The following FLNC variants were observed in gnomAD, a reference collection of about 807,000 sequenced individuals.
The protein encoded by FLNC is filamin-C.
A neutral mutation model predicts 254.3 loss-of-function variants in FLNC; 91 were observed. The observed-to-expected ratio is 0.36, with a 90% confidence interval of 0.30 to 0.43. The LOEUF (loss-of-function observed/expected upper bound fraction) is 0.43, where lower values mean the gene tolerates loss of function less well. FLNC is among the 20% of genes least tolerant of loss of function. FLNC has a pLI of 1.00. For synonymous variants in FLNC, 1,430 were observed against 1,577.2 expected (o/e 0.91, Z 2.21); for missense variants, 2,853 against 3,802.6 (o/e 0.75, Z 6.57).
chr7:128,839,601 G>A (rs989100620), intron 8 of FLNC, among the ~76,000 whole-genome samples: 57 of 152,338 alleles, frequency 3.7e-4, no homozygotes, highest in Admixed American at 1.6e-3. Flanking sequence ...GTGTTGTATG[G>A]CAGGCTTCGA....
chr7:128,847,950 G>T lies in FLNC; in HGVS notation c.4462G>T (p.Ala1488Ser). The change falls in exon 26 of 48, where the codon GCC becomes TCC. Residue 1488 changes from alanine (A) to serine (S), a missense_variant. Ala to Ser is a moderately conservative substitution (Grantham distance 99, BLOSUM62 1). Coordinates refer to ENST00000325888, the MANE Select transcript of FLNC (RefSeq NM_001458.5). ...ACCCTGTGCCCCTTGCCCAGGTGTG[G>T]CCGAGCCTGTGGAGGTGCGGGACAA... ...QVAVLGPTGV[A>S]EPVEVRDNGD... 1 of 1,613,550 alleles carries T rather than the reference G, an allele frequency of 6.2e-7. No individual in the cohort carries two copies. The highest frequency in any genetic ancestry group is 8.5e-7 in the Non-Finnish European group (1 of 1,179,754).
chr7:128,852,757 G>T lies in FLNC; in HGVS notation c.6004+5G>T. 1 of 1,613,286 alleles carries T rather than the reference G, an allele frequency of 6.2e-7. No individual in the cohort carries two copies. Among genetic ancestry groups the T allele is most frequent in the Non-Finnish European group, 8.5e-7 (1 of 1,179,792 alleles). On this transcript the variant is annotated splice_donor_5th_base_variant and intron_variant, in intron 36 of 47. Coordinates refer to ENST00000325888, the MANE Select transcript of FLNC (RefSeq NM_001458.5). ...GCCTGCCCAACCGGCACATTGGTGA[G>T]CGTGGGGCCTCACGGGGACCTCAGG...
At chr7:128,850,343 G>A in intron 31 of FLNC, 41 bp from the exon 32 acceptor site, 1 of 1,523,218 alleles carries the variant, frequency 6.6e-7, no homozygotes, top group Non-Finnish European at 9.1e-7. Flanking sequence ...AAACTCCTGG[G>A]CCTTCCCCAG....
intron 35 of FLNC, 90 bp from the exon 36 acceptor site, chr7:128,852,501 A>G (rs1368489156): frequency 1.3e-6 from 2 of 1,487,210 alleles, no homozygotes; most frequent in Non-Finnish European, 1.9e-6. Flanking sequence ...TGTTGAGTCC[A>G]GGGGGGGCTG....
chr7:128,846,590 C>A (rs899694623), intron 23 of FLNC, 127 bp downstream of exon 23: 9 of 1,407,380 alleles, frequency 6.4e-6, no homozygotes, highest in East Asian at 4.6e-5. Flanking sequence ...CAGGAGCAGA[C>A]CCCCTCCAGG....
rs574084326 is a variant in FLNC, at chr7:128,845,361, G to T, written c.3790+106G>T. On this transcript the variant is annotated intron_variant, in intron 21 of 47. Transcript: ENST00000325888. ...CTGAGAGCTGGAAGAGCAACCTGGGGTGAAGGGAGGGCTCTCGGAGCAGCC... is the reference window on the plus strand; with the variant it reads ...CTGAGAGCTGGAAGAGCAACCTGGGTTGAAGGGAGGGCTCTCGGAGCAGCC... The T allele has an allele frequency of 3.5e-5, 32 of 907,680 alleles. No individual in the cohort carries two copies. The African/African-American group carries it at 4.7e-4, about 13-fold the overall frequency. The allele number at this position is 907,680 out of a possible 1,614,324, so 56.2% of individuals were successfully genotyped here. A position where few individuals can be genotyped will look rare whatever the true frequency, so the allele number is the denominator to read the frequency against.
At chr7:128,853,670 G>C (rs199801053) in intron 38 of FLNC, 45 bp from the exon 39 acceptor site, 1 of 1,614,038 alleles carries the variant, frequency 6.2e-7, no homozygotes, top group Admixed American at 1.7e-5. Flanking sequence ...AGGCCAGGAG[G>C]CTGGGGCTCT....
At position 128,853,153 on chromosome 7, in the gene FLNC, G is replaced by A. The variant is rs571526649; in HGVS notation, c.6208+122G>A. The A allele has an allele frequency of 1.6e-4, 170 of 1,040,784 alleles. 1 individual carries two copies. In the South Asian group the frequency reaches 1.9e-3, roughly 12 times the overall value. 64.5% of individuals were successfully genotyped at this position (1,040,784 alleles called of 1,614,324 possible). A position where few individuals can be genotyped will look rare whatever the true frequency, so the allele number is the denominator to read the frequency against. ...CCCTGAAACTTCCTGACCAGTCTGC[G>A]TCAGGATTCGCATTCTGGGGCCCCT... On this transcript the variant is annotated intron_variant, in intron 37 of 47. Transcript: ENST00000325888.
At position 128,853,570 on chromosome 7, in the gene FLNC, G is replaced by C. The variant is rs753069149; in HGVS notation, c.6310G>C (p.Glu2104Gln). 6.2e-7 allele frequency: 1 copy of C among 1,614,130 alleles called. No individual in the cohort carries two copies. Among genetic ancestry groups the C allele is most frequent in the Non-Finnish European group, 8.5e-7 (1 of 1,180,038 alleles). Reference sequence around the variant, plus strand: ...ATGCAAAGTCACCTACTGCCCCACCGAGCCCGGCACCTACATCATCAACAT... The same window carrying C: ...ATGCAAAGTCACCTACTGCCCCACCCAGCCCGGCACCTACATCATCAACAT... ...GTCKVTYCPT[E>Q]PGTYIINIKF... The change falls in exon 38 of 48, where the codon GAG becomes CAG. Residue 2104 changes from glutamate (E) to glutamine (Q), a missense_variant. Glu to Gln is a conservative substitution (Grantham distance 29). Transcript: ENST00000325888.
chr7:128,850,311 A>G, intron 31 of FLNC, 73 bp from the exon 32 acceptor site: 1 of 1,267,182 alleles, frequency 7.9e-7, no homozygotes, highest in Non-Finnish European at 1.2e-6. Context: ...CTCACTCTCC[A>G]GCTTCAGTCA....
chr7:128,857,045 A>G lies in FLNC; in HGVS notation c.7562-73A>G. ...CCAGGAGTCCCCACAGAGGCTGTCC[A>G]GGGAGCTGGGGCCCAGTCCCTCTTG... On this transcript the variant is annotated intron_variant, in intron 45 of 47. Transcript: ENST00000325888. The surrounding 1 kb of genome is among the most constrained non-coding windows in gnomAD (Gnocchi z 4.5). 9.5e-6 allele frequency: 15 copies of G among 1,575,786 alleles called. No homozygotes were observed. Among genetic ancestry groups the G allele is most frequent in the Non-Finnish European group, 1.2e-5 (14 of 1,146,674 alleles).
chr7:128,837,969 CT>C lies in FLNC; in HGVS notation c.970-13del. On this transcript the variant is annotated splice_polypyrimidine_tract_variant and intron_variant, in intron 5 of 47. Transcript: ENST00000325888. ...TATGGTCATTGGAGAGGCTTCCAAT[CT>C]TTTTCCTTCCTAATAGGCTAAGGTG... 6 of 1,611,192 alleles carry C rather than the reference CT, an allele frequency of 3.7e-6. No individual in the cohort carries two copies. The highest frequency in any genetic ancestry group is 5.1e-6 in the Non-Finnish European group (6 of 1,177,456).
rs1296986172 is a variant in FLNC, at chr7:128,842,207, A to G, written c.2122-24A>G. The G allele has an allele frequency of 6.2e-7, 1 of 1,612,920 alleles. No individual in the cohort carries two copies. Among genetic ancestry groups the G allele is most frequent in the East Asian group, 2.2e-5 (1 of 44,842 alleles). ...CGCTCTGCAGAGGCCACAGCTATGA[A>G]CTTTGCTTGGGTGATGCCCACAGGA... On this transcript the variant is annotated intron_variant, in intron 13 of 47. Transcript: ENST00000325888. The surrounding 1 kb of genome is among the most constrained non-coding windows in gnomAD (Gnocchi z 5.4).
chr7:128,855,095 G>C lies in FLNC; in HGVS notation c.7136-104G>C, dbSNP rs942995334. 3.7e-6 allele frequency: 4 copies of C among 1,075,706 alleles called. No individual in the cohort carries two copies. In the South Asian group the frequency reaches 3.7e-5, roughly 10 times the overall value. 66.6% of individuals were successfully genotyped at this position (1,075,706 alleles called of 1,614,324 possible). Reference sequence around the variant, plus strand: ...GAAACATGTGTCTGCCTCCAGATCTGAGCGCTGACCACAGAGCCTTTCCTG... The same window carrying C: ...GAAACATGTGTCTGCCTCCAGATCTCAGCGCTGACCACAGAGCCTTTCCTG... On this transcript the variant is annotated intron_variant, in intron 42 of 47. Coordinates refer to ENST00000325888, the MANE Select transcript of FLNC (RefSeq NM_001458.5).
chr7:128,854,538 C>A lies in FLNC; in HGVS notation c.6853C>A (p.Pro2285Thr), dbSNP rs1455006748. 3.7e-6 allele frequency: 6 copies of A among 1,606,994 alleles called. No individual in the cohort carries two copies. In the Admixed American group the frequency reaches 8.5e-5, roughly 23 times the overall value. ...GCGCTTTGTGCCCCAGGAAATGGGG[C>A]CCCATACGGTCGCTGTCAAGTACCG... Reference protein sequence around the residue: ...SVRFVPQEMGPHTVAVKYRGQ... With the variant: ...SVRFVPQEMGTHTVAVKYRGQ... The change falls in exon 41 of 48, where the codon CCC becomes ACC. Residue 2285 changes from proline (P) to threonine (T), a missense_variant. This residue lies in a region of FLNC where 551 missense variants were observed against 835.0 expected (regional missense o/e 0.66). Transcript: ENST00000325888.
rs745650222 is a variant in FLNC at position 128,849,992 on chromosome 7, C to T, written c.5216C>T (p.Pro1739Leu). The T allele has an allele frequency of 1.1e-4, 175 of 1,586,772 alleles. No individual in the cohort carries two copies. The highest frequency in any genetic ancestry group is 1.3e-4 in the Non-Finnish European group (152 of 1,171,958). Reference sequence around the variant, plus strand: ...CCTCCCCAGGCGTGTGACCCCCTGCCGCACGAGGAGGAGCCCTCTGAAGTG... The same window carrying T: ...CCTCCCCAGGCGTGTGACCCCCTGCTGCACGAGGAGGAGCCCTCTGAAGTG... ...PFHVLACDPL[P>L]HEEEPSEVPQ... is the part of the protein sequence containing the mutation. The change falls in exon 31 of 48, where the codon CCG (proline) becomes CTG (leucine). Residue 1739 changes from proline (P) to leucine (L), a missense_variant. Physicochemically the swap from Pro to Leu is moderately conservative, Grantham distance 98. Around this residue, in one of 10 missense-constraint regions of FLNC, gnomAD observed 258 missense variants for 312.3 expected, o/e 0.83. Coordinates refer to ENST00000325888, the MANE Select transcript of FLNC (RefSeq NM_001458.5).
chr7:128,839,603 A>G (rs148895161), intron 8 of FLNC, among the ~76,000 whole-genome samples: 81 of 152,322 alleles, frequency 5.3e-4, no homozygotes, highest in East Asian at 2.7e-3. Flanking sequence ...GTTGTATGGC[A>G]GGCTTCGAGT....
At chr7:128,845,811 G>A (rs185244214) in intron 21 of FLNC, among the ~76,000 whole-genome samples, 179 bp from the exon 22 acceptor site, 5 of 136,110 alleles carry the variant, frequency 3.7e-5, no homozygotes, top group South Asian at 5.6e-4. Context: ...CCCAGGCTCC[G>A]ATTAGAGGAG....
Position 128,844,641 on chromosome 7 carries a change from C to G in FLNC, c.3193-17C>G. 6.2e-7 allele frequency: 1 copy of G among 1,606,358 alleles called. No homozygotes were observed. Among genetic ancestry groups the G allele is most frequent in the Non-Finnish European group, 8.5e-7 (1 of 1,178,178 alleles). The stretch of plus-strand genomic sequence containing the variant: ...GAGGCCAGGTGCAGGGAACCCACAA[C>G]CTGCCTCTTCCCCTAGGTCTGTGCT... On this transcript the variant is annotated splice_polypyrimidine_tract_variant and intron_variant, in intron 20 of 47. Transcript: ENST00000325888.
Sources: gnomAD v4.1 joint callset for allele counts (sites outside exome capture counted in the v4.1 genomes callset) on GRCh38, gnomAD v4.1.1 for gene constraint, gnomAD v4.1.1 regional missense constraint, Gnocchi (gnomAD v3.1) non-coding constraint, MANE v1.5 for transcripts, NCBI Gene and HGNC (gene_info 2026-07-23, HGNC 2026-07-21) for gene names.